Variants in CACNB2 observed in about 807,000 individuals in gnomAD.
The protein encoded by CACNB2 is voltage-dependent L-type calcium channel subunit beta-2.
In CACNB2, 42 loss-of-function variants were observed where a neutral mutation model predicts 73.3. The observed-to-expected ratio is 0.57, with a 90% CI of 0.45 to 0.74. The LOEUF (loss-of-function observed/expected upper bound fraction) is 0.74, where lower values mean the gene tolerates loss of function less well. Among genes scored for constraint, CACNB2 ranks in the 30% least tolerant of loss-of-function variants. The pLI, the probability that CACNB2 is intolerant of heterozygous loss-of-function variation, is 0.00. For missense variants in CACNB2, 940 were observed against 853.0 expected (o/e 1.10, Z -1.27); for synonymous variants, 348 against 310.3 (o/e 1.12, Z -1.28).
intron 3 of CACNB2, among the ~76,000 whole-genome samples, chr10:18,431,667 A>C (rs186929203): frequency 6.6e-6 from 1 of 152,324 alleles, no homozygotes; most frequent in East Asian, 1.9e-4. Context: ...ACGGAGATGA[A>C]ATTACAGTCC....
intron 2 of CACNB2, among the ~76,000 whole-genome samples, chr10:18,296,443 T>C (rs569593971): frequency 6.6e-6 from 1 of 152,278 alleles, no homozygotes; most frequent in Admixed American, 6.5e-5. Context: ...CAGACACTCA[T>C]ACGTTGAGAG....
chr10:18,424,280 C>A (rs1168158119), intron 3 of CACNB2, among the ~76,000 whole-genome samples: 1 of 152,122 alleles, frequency 6.6e-6, no homozygotes, highest in Non-Finnish European at 1.5e-5. Flanking sequence ...CCCTGCAGAG[C>A]AAGGCTACCC....
Position 18,150,868 on chromosome 10 carries a change from T to TC in CACNB2, c.121-15_121-14insC. The TC allele has an allele frequency of 8.9e-7, 1 of 1,127,140 alleles. No homozygotes were observed. Among genetic ancestry groups the TC allele is most frequent in the East Asian group, 2.8e-5 (1 of 36,152 alleles). The allele number at this position is 1,127,140 out of a possible 1,614,324, so 69.8% of individuals were successfully genotyped here. Reference sequence around the variant, plus strand: ...AATCTTATTTGTCTTTTTTTTTTTTTTTTTTTTTTTTTAGTCATATGGAAA... The same window carrying TC: ...AATCTTATTTGTCTTTTTTTTTTTTTCTTTTTTTTTTTTAGTCATATGGAAA... On this transcript the variant is annotated splice_polypyrimidine_tract_variant and intron_variant, in intron 1 of 13. Coordinates refer to ENST00000324631, the MANE Select transcript of CACNB2 (RefSeq NM_201596.3).
chr10:18,228,273 A>T (rs2036079801), intron 2 of CACNB2, among the ~76,000 whole-genome samples: 1 of 151,964 alleles, frequency 6.6e-6, no homozygotes, highest in Non-Finnish European at 1.5e-5. Context: ...AAAAAAATAA[A>T]TTCAAAGTTA....
At chr10:18,514,932 A>G (rs769349533) in intron 7 of CACNB2, 5 of 1,326,250 alleles carry the variant, frequency 3.8e-6, no homozygotes, top group African/African-American at 1.4e-5. Context: ...TAAAAAAAAA[A>G]GTATTCAAGT....
At chr10:18,284,373 A>G (rs2038695525) in intron 2 of CACNB2, among the ~76,000 whole-genome samples, 1 of 152,240 alleles carries the variant, frequency 6.6e-6, no homozygotes, top group Non-Finnish European at 1.5e-5. Context: ...CTACAATTCA[A>G]GATGAGATTT....
chr10:18,470,963 G>A (rs1293321031), intron 3 of CACNB2, among the ~76,000 whole-genome samples: 1 of 152,068 alleles, frequency 6.6e-6, no homozygotes, highest in Non-Finnish European at 1.5e-5. Context: ...TTAATTTTAT[G>A]GTAGATGCCA....
At position 18,420,982 on chromosome 10, in the gene CACNB2, A is replaced by G. The variant is rs561498760; in HGVS notation, c.333+18939A>G. On this transcript the variant is annotated intron_variant, in intron 3 of 13. Transcript: ENST00000324631. ...GTTTACCAAACATGAACCATTTGTT[A>G]TTAATATTATACTTTTGATGAATGA... 2.6e-4 allele frequency among the ~76,000 whole-genome samples: 39 copies of G among 152,322 alleles called. No homozygotes were observed. The South Asian group carries it at 7.7e-3, about 30-fold the overall frequency.
At chr10:18,483,659 C>T (rs1273511386) in intron 3 of CACNB2, among the ~76,000 whole-genome samples, 1 of 152,112 alleles carries the variant, frequency 6.6e-6, no homozygotes, top group African/African-American at 2.4e-5. Flanking sequence ...AAAACCGCAG[C>T]TGTTGCAGTG....
intron 2 of CACNB2, among the ~76,000 whole-genome samples, chr10:18,253,262 A>G (rs1000362683): frequency 6.6e-6 from 1 of 152,174 alleles, no homozygotes; most frequent in Non-Finnish European, 1.5e-5. Context: ...CAAACAGTCC[A>G]TTTTTTAAAT....
chr10:18,502,722 AAAC>A (rs1285985152), intron 5 of CACNB2, among the ~76,000 whole-genome samples: 11 of 136,370 alleles, frequency 8.1e-5, no homozygotes, highest in African/African-American at 2.5e-4. Context: ...AAAAAAAAAA[AAAC>A]CGCATGTTTT....
intron 2 of CACNB2, among the ~76,000 whole-genome samples, chr10:18,297,567 A>G (rs968004391): frequency 3.3e-5 from 5 of 152,154 alleles, no homozygotes; most frequent in South Asian, 2.1e-4. Context: ...TTAAAAAAAG[A>G]AAAGTTTCTC....
chr10:18,401,047 A>T, intron 2 of CACNB2: 2 of 1,614,202 alleles, frequency 1.2e-6, no homozygotes, highest in Non-Finnish European at 1.7e-6. Flanking sequence ...GGCCACCTGG[A>T]TCAGGCTTCT....
At chr10:18,526,115 C>T (rs2052446039) in intron 9 of CACNB2, among the ~76,000 whole-genome samples, 2 of 152,176 alleles carry the variant, frequency 1.3e-5, no homozygotes, top group Admixed American at 1.3e-4. Flanking sequence ...AGCTTGTCAA[C>T]TTTGTGTTTC....
chr10:18,471,460 C>G (rs879377066), intron 3 of CACNB2, among the ~76,000 whole-genome samples: 4 of 152,108 alleles, frequency 2.6e-5, no homozygotes, highest in Non-Finnish European at 4.4e-5. Context: ...TTTTTATAAC[C>G]TAAAAATTCG....
chr10:18,469,161 G>A (rs1287135389), intron 3 of CACNB2, among the ~76,000 whole-genome samples: 1 of 152,124 alleles, frequency 6.6e-6, no homozygotes, highest in African/African-American at 2.4e-5. Context: ...GATTGCTTGG[G>A]CCCAGGTGGT....
chr10:18,271,501 C>T (rs898654143), intron 2 of CACNB2, among the ~76,000 whole-genome samples: 7 of 152,196 alleles, frequency 4.6e-5, no homozygotes, highest in Admixed American at 4.6e-4. Context: ...AATAAAAACA[C>T]CACCAGATTA....
At chr10:18,260,988 A>T in intron 2 of CACNB2, 1 of 1,359,132 alleles carries the variant, frequency 7.4e-7, no homozygotes, top group Non-Finnish European at 9.5e-7. Context: ...AATTAATGCT[A>T]CTTCTTGTAG....
At chr10:18,438,522 G>A (rs933510692) in intron 3 of CACNB2, among the ~76,000 whole-genome samples, 2 of 152,144 alleles carry the variant, frequency 1.3e-5, no homozygotes, top group East Asian at 1.9e-4. Flanking sequence ...CAGCCTCGCG[G>A]TCCCTCACCA....
Sources: gnomAD v4.1 joint callset for allele counts (sites outside exome capture counted in the v4.1 genomes callset) on GRCh38, gnomAD v4.1.1 for gene constraint, MANE v1.5 for transcripts, NCBI Gene and HGNC (gene_info 2026-07-23, HGNC 2026-07-21) for gene names.